Variants in TCTA observed in about 807,000 individuals in gnomAD.
TCTA encodes the protein T cell leukemia translocation altered.
Under a neutral mutation model 13.5 loss-of-function variants are expected in TCTA, and 13 were observed. The ratio of observed to expected loss-of-function variants is 0.96; its 90% CI spans 0.63 to 1.53. The LOEUF is 1.53. Ranked by LOEUF, TCTA falls within the 40% of genes most tolerant of loss-of-function variation. The pLI is 0.00. For missense variants in TCTA, 138 were observed against 131.3 expected, an observed-to-expected ratio of 1.05 and a Z score of -0.25; for synonymous variants, 58 against 59.0, an observed-to-expected ratio of 0.98 and a Z score of 0.08.
chr3:49,414,591 A>C (rs1267404860), intron 2 of TCTA, among the ~76,000 whole-genome samples: 8 of 152,200 alleles, frequency 5.3e-5, no homozygotes, highest in African/African-American at 1.7e-4. Context: ...AAACTAGAGA[A>C]GGATGGCAAT....
intron 2 of TCTA, among the ~76,000 whole-genome samples, chr3:49,414,370 C>G (rs748190487): frequency 6.6e-6 from 1 of 151,442 alleles, no homozygotes; most frequent in Non-Finnish European, 1.5e-5. Flanking sequence ...CCCGTCTTCA[C>G]TAAAAATACA....
At position 49,413,068 on chromosome 3, in the gene TCTA, A is replaced by G; in HGVS notation, c.227A>G (p.Gln76Arg). 1 of 1,614,202 alleles carries G rather than the reference A, an allele frequency of 6.2e-7. No homozygotes were observed. Among genetic ancestry groups the G allele is most frequent in the Non-Finnish European group, 8.5e-7 (1 of 1,180,038 alleles). The change falls in exon 2 of 3, where the codon CAG (glutamine) becomes CGG (arginine). Residue 76 changes from glutamine to arginine, a missense_variant. Coordinates refer to ENST00000273590, the MANE Select transcript of TCTA (RefSeq NM_022171.3). ...GLYHRPGLGG[Q>R]NGSTPDGSTH... Reference sequence around the variant, plus strand: ...TTTCTGCCTCCAGGTCTGGGTGGTCAGAATGGATCCACGCCTGATGGCTCC... The same window carrying G: ...TTTCTGCCTCCAGGTCTGGGTGGTCGGAATGGATCCACGCCTGATGGCTCC...
chr3:49,413,643 C>A (rs1423968776), intron 2 of TCTA, among the ~76,000 whole-genome samples: 1 of 151,986 alleles, frequency 6.6e-6, no homozygotes, highest in East Asian at 1.9e-4. Context: ...AAGGCTTCTC[C>A]CAAGAAAGAC....
Position 49,416,439 on chromosome 3 carries a change from C to G in TCTA, c.*1577C>G, listed in dbSNP as rs1043502553. ...TCAGGATCTCACATTTCACCCCAGG[C>G]TCAACTGAGGATGTGGCTTATTAAA... On this transcript the variant is annotated 3_prime_UTR_variant, in exon 3 of 3. Coordinates refer to ENST00000273590, the MANE Select transcript of TCTA (RefSeq NM_022171.3). The G allele has an allele frequency of 3.5e-6, 1 of 289,062 alleles. No individual in the cohort carries two copies. Among genetic ancestry groups the G allele is most frequent in the African/African-American group, 2.2e-5 (1 of 45,886 alleles). 17.9% of individuals were successfully genotyped at this position (289,062 alleles called of 1,614,324 possible). A position where few individuals can be genotyped will look rare whatever the true frequency, so the allele number is the denominator to read the frequency against.
chr3:49,414,751 G>A, intron 2 of TCTA, 69 bp from the exon 3 acceptor site: 1 of 1,598,028 alleles, frequency 6.3e-7, no homozygotes, highest in African/African-American at 1.3e-5. Context: ...GAGCTTGGGA[G>A]AGCCAATTTC....
Position 49,414,935 on chromosome 3 carries a change from A to G in TCTA, c.*73A>G. ...TCTACACTGGGTTCTGCTACTCCCC[A>G]GACCTCAGGGACAACTGCCGGGGGT... On this transcript the variant is annotated 3_prime_UTR_variant, in exon 3 of 3. Transcript: ENST00000273590. 1 of 1,594,428 alleles carries G rather than the reference A, an allele frequency of 6.3e-7. No homozygotes were observed.
At chr3:49,413,767 T>C (rs1452426299) in intron 2 of TCTA, among the ~76,000 whole-genome samples, 1 of 152,210 alleles carries the variant, frequency 6.6e-6, no homozygotes, top group Non-Finnish European at 1.5e-5. Flanking sequence ...GGTAAGACTG[T>C]GATGCTGGAG....
At chr3:49,412,664 T>C (rs1410010037) in intron 1 of TCTA, 24 bp downstream of exon 1, 4 of 1,608,480 alleles carry the variant, frequency 2.5e-6, no homozygotes, top group Non-Finnish European at 3.4e-6. Flanking sequence ...CGAACCTCCG[T>C]GGGCTGGCCG....
intron 1 of TCTA, 171 bp downstream of exon 1, chr3:49,412,811 A>G (rs951171577): frequency 8.2e-5 from 69 of 844,260 alleles, no homozygotes; most frequent in Non-Finnish European, 1.2e-4. Flanking sequence ...AGGTACTTGG[A>G]TGGGAGAACT....
chr3:49,414,684 G>A, intron 2 of TCTA, 136 bp from the exon 3 acceptor site: 2 of 1,012,910 alleles, frequency 2.0e-6, no homozygotes, highest in Non-Finnish European at 3.0e-6. Flanking sequence ...TGGGAGACCA[G>A]CAGAGAGGTC....
intron 1 of TCTA, 23 bp downstream of exon 1, chr3:49,412,663 G>C: frequency 6.2e-7 from 1 of 1,608,740 alleles, no homozygotes; most frequent in Non-Finnish European, 8.5e-7. Context: ...ACGAACCTCC[G>C]TGGGCTGGCC....
chr3:49,414,966 G>T lies in TCTA; in HGVS notation c.*104G>T. 6.8e-7 allele frequency: 1 copy of T among 1,467,994 alleles called. No homozygotes were observed. The allele number at this position is 1,467,994 out of a possible 1,614,324, so 90.9% of individuals were successfully genotyped here. On this transcript the variant is annotated 3_prime_UTR_variant, in exon 3 of 3. Coordinates refer to ENST00000273590, the MANE Select transcript of TCTA (RefSeq NM_022171.3). ...CAGGGACAACTGCCGGGGGTTCAGG[G>T]TTGGTAGCAGGGAGTACCCAGTGCC... is the stretch of plus-strand genomic sequence containing the variant.
At position 49,416,006 on chromosome 3, in the gene TCTA, C is replaced by G. The variant is rs2107926533; in HGVS notation, c.*1144C>G. On this transcript the variant is annotated 3_prime_UTR_variant, in exon 3 of 3. Coordinates refer to ENST00000273590, the MANE Select transcript of TCTA (RefSeq NM_022171.3). ...CAGTGGCCCCATCATAGCCTGCAGC[C>G]TCATCATTTCCCATCTGGACCTGGT... 1 of 152,668 alleles carries G rather than the reference C, an allele frequency of 6.6e-6. No individual in the cohort carries two copies. The highest frequency in any genetic ancestry group is 2.1e-4 in the South Asian group (1 of 4,842). The allele number at this position is 152,668 out of a possible 1,614,324, so 9.5% of individuals were successfully genotyped here.
At chr3:49,413,161 C>T (rs958379441) in intron 2 of TCTA, 51 bp downstream of exon 2, 1 of 1,601,848 alleles carries the variant, frequency 6.2e-7, no homozygotes, top group Admixed American at 1.7e-5. Context: ...TCCAAGGACA[C>T]TCCTGTGCTG....
At chr3:49,414,674 TG>T in intron 2 of TCTA, 145 bp from the exon 3 acceptor site, 2 of 905,030 alleles carry the variant, frequency 2.2e-6, no homozygotes, top group Non-Finnish European at 1.7e-6. Context: ...GGGTGGGCTG[TG>T]GGAGACCAGC....
chr3:49,413,077 C>A lies in TCTA; in HGVS notation c.236C>A (p.Ser79Tyr). 6.2e-7 allele frequency: 1 copy of A among 1,614,166 alleles called. No homozygotes were observed. The highest frequency in any genetic ancestry group is 8.5e-7 in the Non-Finnish European group (1 of 1,180,018). ...HRPGLGGQNG[S>Y]TPDGSTHFPS... ...CCAGGTCTGGGTGGTCAGAATGGATCCACGCCTGATGGCTCCACGCATTTC... is the reference window on the plus strand; with the variant it reads ...CCAGGTCTGGGTGGTCAGAATGGATACACGCCTGATGGCTCCACGCATTTC... The change falls in exon 2 of 3, where the codon TCC becomes TAC. Residue 79 changes from serine (S) to tyrosine (Y), a missense_variant. Coordinates refer to ENST00000273590, the MANE Select transcript of TCTA (RefSeq NM_022171.3).
At position 49,412,431 on chromosome 3, in the gene TCTA, C is replaced by A. The variant is rs575217400; in HGVS notation, c.5C>A (p.Ala2Glu). Reference protein sequence around the residue: MAESWSGQALQA... With the variant: MEESWSGQALQA... Reference sequence around the variant, plus strand: ...CGGGTGGGGCGAGGGCCAGTCATGGCGGAGTCCTGGTCTGGGCAGGCCTTG... The same window carrying A: ...CGGGTGGGGCGAGGGCCAGTCATGGAGGAGTCCTGGTCTGGGCAGGCCTTG... The change falls in exon 1 of 3, where the codon GCG becomes GAG. Residue 2 changes from alanine to glutamate, a missense_variant. Ala to Glu is a moderately radical substitution (Grantham distance 107). Coordinates refer to ENST00000273590, the MANE Select transcript of TCTA (RefSeq NM_022171.3). 8.3e-5 allele frequency: 134 copies of A among 1,608,934 alleles called. 1 individual carries two copies. In the Admixed American group the frequency reaches 2.1e-3, roughly 25 times the overall value.
At chr3:49,413,353 G>A in intron 2 of TCTA, 1 of 550,534 alleles carries the variant, frequency 1.8e-6, no homozygotes, top group East Asian at 3.0e-5. Flanking sequence ...ATTTCAGAGA[G>A]ATGAAATGAC....
intron 1 of TCTA, 169 bp downstream of exon 1, chr3:49,412,809 G>C: frequency 3.5e-6 from 3 of 855,146 alleles, no homozygotes; most frequent in South Asian, 3.4e-5. Context: ...CCAGGTACTT[G>C]GATGGGAGAA....
Sources: gnomAD v4.1 joint callset for allele counts (sites outside exome capture counted in the v4.1 genomes callset) on GRCh38, gnomAD v4.1.1 for gene constraint, MANE v1.5 for transcripts, NCBI Gene and HGNC (gene_info 2026-07-23, HGNC 2026-07-21) for gene names.